Variants in FGF6 observed in about 807,000 individuals in gnomAD.
The protein encoded by FGF6 is fibroblast growth factor 6.
A neutral mutation model predicts 18.4 loss-of-function variants in FGF6; 14 were observed. The observed-to-expected ratio is 0.76, with a 90% CI of 0.50 to 1.19. The LOEUF is 1.19. FGF6 is among the 50% of genes most tolerant of loss of function. The pLI is 0.00. For missense variants in FGF6, 266 were observed against 271.6 expected (o/e 0.98, Z 0.15); for synonymous variants, 125 against 116.7 (o/e 1.07, Z -0.46).
At chr12:4,437,844 A>G (rs1481434227) in intron 2 of FGF6, among the ~76,000 whole-genome samples, 1 of 152,200 alleles carries the variant, frequency 6.6e-6, no homozygotes, top group Non-Finnish European at 1.5e-5. Context: ...AAATGTAAAA[A>G]AAAAAGAACC....
At chr12:4,434,826 G>A (rs982299457) in intron 2 of FGF6, among the ~76,000 whole-genome samples, 1 of 152,208 alleles carries the variant, frequency 6.6e-6, no homozygotes, top group African/African-American at 2.4e-5. Context: ...GCAGGGATGA[G>A]AGCTCAGGGT....
At chr12:4,436,876 G>A (rs903298458) in intron 2 of FGF6, among the ~76,000 whole-genome samples, 11 of 152,322 alleles carry the variant, frequency 7.2e-5, no homozygotes, top group Admixed American at 2.0e-4. Context: ...ATGCCACACC[G>A]GGGGGTGGGT....
At chr12:4,434,457 G>A in intron 2 of FGF6, 66 bp from the exon 3 acceptor site, 1 of 1,536,736 alleles carries the variant, frequency 6.5e-7, no homozygotes. Flanking sequence ...GATGCCAGCT[G>A]GGCCGCAGAG....
chr12:4,442,949 G>A (rs962294863), intron 2 of FGF6, among the ~76,000 whole-genome samples: 15 of 152,182 alleles, frequency 9.9e-5, no homozygotes, highest in African/African-American at 3.4e-4. Context: ...AGGCCCACAC[G>A]CCAGCTCTGC....
chr12:4,444,450 GTTC>G (rs1022637798), intron 1 of FGF6, among the ~76,000 whole-genome samples: 1 of 152,256 alleles, frequency 6.6e-6, no homozygotes, highest in Non-Finnish European at 1.5e-5. Context: ...GCAAGGGAAG[GTTC>G]TGATAGCAGA....
At chr12:4,439,137 T>G (rs1008229928) in intron 2 of FGF6, among the ~76,000 whole-genome samples, 1 of 152,180 alleles carries the variant, frequency 6.6e-6, no homozygotes, top group African/African-American at 2.4e-5. Flanking sequence ...TGTTCCTGTG[T>G]TACCTAGTCA....
rs115300050 is a variant in FGF6, at chr12:4,441,128, T to G, written c.450+3005A>C. Among the ~76,000 whole-genome samples, 1,101 of 152,320 alleles carry G rather than the reference T, an allele frequency of 7.2e-3. 18 individuals are homozygous for G. Among genetic ancestry groups the G allele is most frequent in the African/African-American group, 0.023 (969 of 41,560 alleles). ...GTATATATTTTTCTCAACCAAAGGA[T>G]TCTAATAGAACCACTGTCAGGTGGA... is the stretch of plus-strand genomic sequence containing the variant. On this transcript the variant is annotated intron_variant, in intron 2 of 2. Coordinates refer to ENST00000228837, the MANE Select transcript of FGF6 (RefSeq NM_020996.3).
chr12:4,443,177 T>A (rs756228136), intron 2 of FGF6, among the ~76,000 whole-genome samples: 13 of 152,152 alleles, frequency 8.5e-5, no homozygotes, highest in Non-Finnish European at 1.3e-4. Flanking sequence ...TTCATAGACC[T>A]CCTCTGTTGG....
In FGF6 at chr12:4,438,751, C is replaced by CAAAAAA. The variant is rs386375443; in HGVS notation, c.451-4366_451-4361dup. On this transcript the variant is annotated intron_variant, in intron 2 of 2. Transcript: ENST00000228837. Reference sequence around the variant, plus strand: ...CTGGTGACAGAGCGAGACTCTATCTCAAAAAAAAAAAAAAAAAAAAAAAAA... The same window carrying CAAAAAA: ...CTGGTGACAGAGCGAGACTCTATCTCAAAAAAAAAAAAAAAAAAAAAAAAAAAAAAA... Among the ~76,000 whole-genome samples the CAAAAAA allele has an allele frequency of 2.0e-4, 8 of 39,720 alleles. 1 individual carries two copies. The highest frequency in any genetic ancestry group is 4.9e-4 in the Admixed American group (1 of 2,030). 26.1% of individuals were successfully genotyped at this position (39,720 alleles called of 152,430 possible).
chr12:4,441,090 T>C (rs749127596), intron 2 of FGF6, among the ~76,000 whole-genome samples: 1 of 152,222 alleles, frequency 6.6e-6, no homozygotes, highest in African/African-American at 2.4e-5. Context: ...GAATTGCTGG[T>C]ATCTTTTTAC....
At chr12:4,434,969 G>A (rs373872139) in intron 2 of FGF6, among the ~76,000 whole-genome samples, 1 of 151,974 alleles carries the variant, frequency 6.6e-6, no homozygotes, top group Admixed American at 6.6e-5. Flanking sequence ...GGAGGGGGAG[G>A]AGACACAAGT....
chr12:4,434,392 C>A lies in FGF6; in HGVS notation c.451-1G>T, dbSNP rs1294882139. ...ACTTGCATTCTTCTTGGAAGCTGGG[C>A]TGTGGAAGACATGGGCAAACAGCAG... On this transcript the variant is annotated splice_acceptor_variant, in intron 2 of 2. Coordinates refer to ENST00000228837, the MANE Select transcript of FGF6 (RefSeq NM_020996.3). LOFTEE classifies it high-confidence loss of function. 1 of 1,614,098 alleles carries A rather than the reference C, an allele frequency of 6.2e-7. No homozygotes were observed. Among genetic ancestry groups the A allele is most frequent in the Non-Finnish European group, 8.5e-7 (1 of 1,180,002 alleles).
chr12:4,442,758 C>T (rs1451015104), intron 2 of FGF6, among the ~76,000 whole-genome samples: 1 of 152,154 alleles, frequency 6.6e-6, no homozygotes, highest in African/African-American at 2.4e-5. Flanking sequence ...TCCCAGAGAG[C>T]GGTAACAAGG....
chr12:4,443,943 C>G (rs1382599912), intron 2 of FGF6, among the ~76,000 whole-genome samples, 190 bp downstream of exon 2: 1 of 152,174 alleles, frequency 6.6e-6, no homozygotes, highest in African/African-American at 2.4e-5. Flanking sequence ...CGGGCCAGGG[C>G]AGAGGACAAT....
chr12:4,437,435 G>A (rs1257491810), intron 2 of FGF6, among the ~76,000 whole-genome samples: 2 of 152,130 alleles, frequency 1.3e-5, no homozygotes, highest in African/African-American at 2.4e-5. Flanking sequence ...AGAGGCTGAC[G>A]CTGGCTCTGA....
intron 2 of FGF6, among the ~76,000 whole-genome samples, chr12:4,442,050 A>C (rs1865698317): frequency 6.7e-6 from 1 of 149,424 alleles, no homozygotes; most frequent in African/African-American, 2.4e-5. Flanking sequence ...CTTTGGCCAA[A>C]TGCTACTGAG....
chr12:4,445,457 C>T lies in FGF6; in HGVS notation c.114G>A (p.Ser38=), dbSNP rs138178452. 30 of 1,613,194 alleles carry T rather than the reference C, an allele frequency of 1.9e-5. No homozygotes were observed. The African/African-American group carries it at 2.0e-4, about 11-fold the overall frequency. Residue 38 remains serine (S), a synonymous_variant, in exon 1 of 3, where the codon TCG becomes TCA. Coordinates refer to ENST00000228837, the MANE Select transcript of FGF6 (RefSeq NM_020996.3). This position sits in a 1 kb window ranked among gnomAD's most constrained non-coding sequence, Gnocchi z 5.5. ...TGTTGTTGGCACGGGTGCCTGCAGG[C>T]GAGGGCACCACCATGCCCACTAGGA... ...LGILVGMVVP[S]PAGTRANNTL...
intron 2 of FGF6, among the ~76,000 whole-genome samples, chr12:4,443,864 G>A (rs1219298678): frequency 1.3e-5 from 2 of 152,116 alleles, no homozygotes; most frequent in Non-Finnish European, 2.9e-5. Context: ...TCTGGCCCAC[G>A]GGCTCCCTGA....
chr12:4,442,607 C>T (rs1043648498), intron 2 of FGF6, among the ~76,000 whole-genome samples: 1 of 152,202 alleles, frequency 6.6e-6, no homozygotes, highest in African/African-American at 2.4e-5. Flanking sequence ...AAATTCCCGG[C>T]TCTCCCGACC....
Sources: allele counts gnomAD v4.1 joint callset (sites outside exome capture counted in the v4.1 genomes callset), GRCh38; gene constraint gnomAD v4.1.1; non-coding constraint Gnocchi (gnomAD v3.1); transcripts MANE v1.5; gene names NCBI Gene and HGNC (gene_info 2026-07-23, HGNC 2026-07-21).